The following PDXDC1 variants were observed in gnomAD, a reference collection of about 807,000 sequenced individuals.
PDXDC1 encodes the protein pyridoxal dependent decarboxylase domain containing 1.
A neutral mutation model predicts 100.1 loss-of-function variants in PDXDC1; 42 were observed. The ratio of observed to expected loss-of-function variants is 0.42; its 90% CI spans 0.33 to 0.54. PDXDC1 has a LOEUF of 0.54. PDXDC1 is among the 20% of genes least tolerant of loss of function. The pLI, the probability that PDXDC1 is intolerant of heterozygous loss-of-function variation, is 0.10. For synonymous variants in PDXDC1, 260 were observed against 371.7 expected (o/e 0.70, Z 3.46); for missense variants, 636 against 979.2 (o/e 0.65, Z 4.68).
At chr16:15,135,518 C>T in intron 16 of PDXDC1, 1 of 1,112,036 alleles carries the variant, frequency 9.0e-7, no homozygotes, top group Non-Finnish European at 1.3e-6. Flanking sequence ...GCGGGAGACC[C>T]CCTCCCCATG....
chr16:14,975,294 G>C, intron 1 of PDXDC1, 74 bp downstream of exon 1: 1 of 1,376,276 alleles, frequency 7.3e-7, no homozygotes, highest in Non-Finnish European at 9.3e-7. Context: ...CTGTTTCCCA[G>C]TCGCGAGCTG....
At chr16:15,015,455 G>T (rs1181744798) in intron 8 of PDXDC1, among the ~76,000 whole-genome samples, 1 of 152,130 alleles carries the variant, frequency 6.6e-6, no homozygotes, top group African/African-American at 2.4e-5. Context: ...GGTGGCTCAT[G>T]CTTATAATCC....
chr16:14,984,522 GAC>G (rs1968873045), intron 1 of PDXDC1, among the ~76,000 whole-genome samples: 1 of 125,710 alleles, frequency 8.0e-6, no homozygotes. Flanking sequence ...TTCTGAGACG[GAC>G]TCTCACCCTG....
chr16:15,130,584 C>G, intron 16 of PDXDC1: 9 of 1,357,710 alleles, frequency 6.6e-6, no homozygotes, highest in Non-Finnish European at 9.4e-6. Flanking sequence ...CCGGGCAATG[C>G]TGACCCATGA....
At chr16:15,006,199 G>A (rs1382849343) in intron 5 of PDXDC1, among the ~76,000 whole-genome samples, 195 bp from the exon 6 acceptor site, 5 of 152,406 alleles carry the variant, frequency 3.3e-5, no homozygotes, top group Admixed American at 2.6e-4. Context: ...GAGGGTTATT[G>A]TCTCGCTGCT....
At position 15,037,801 on chromosome 16, in the gene PDXDC1, A is replaced by AC. The variant is rs1271449060; in HGVS notation, c.*1526_*1527insC. 2.2e-6 allele frequency: 1 copy of AC among 451,004 alleles called. No homozygotes were observed. Among genetic ancestry groups the AC allele is most frequent in the Non-Finnish European group, 3.9e-6 (1 of 256,330 alleles). 27.9% of individuals were successfully genotyped at this position (451,004 alleles called of 1,614,324 possible). A position where few individuals can be genotyped will look rare whatever the true frequency, so the allele number is the denominator to read the frequency against. On this transcript the variant is annotated 3_prime_UTR_variant, in exon 23 of 23. Transcript: ENST00000396410. ...CCTCTGCCCGTTATTACCGACCAAA[A>AC]AAAAAACTGGACATCAATTTTTTAG... is the stretch of plus-strand genomic sequence containing the variant.
intron 16 of PDXDC1, among the ~76,000 whole-genome samples, chr16:15,049,804 G>A (rs2044227829): frequency 6.6e-6 from 1 of 152,200 alleles, no homozygotes. Flanking sequence ...CCAAGTCACA[G>A]CCACTAACTG....
At chr16:15,041,029 G>C (rs922989358), downstream of PDXDC1, 33 of 1,422,732 alleles carry the variant, frequency 2.3e-5, no homozygotes, top group Non-Finnish European at 2.9e-5. Flanking sequence ...CTGCACATGT[G>C]ACCAAGACTC....
At chr16:14,988,301 T>C in intron 1 of PDXDC1, 3 of 1,613,484 alleles carry the variant, frequency 1.9e-6, no homozygotes, top group South Asian at 2.2e-5. Context: ...GGGGCTTGGC[T>C]CCAGGCCCAC....
intron 16 of PDXDC1, among the ~76,000 whole-genome samples, chr16:15,093,226 A>G (rs2046211261): frequency 6.6e-6 from 1 of 151,912 alleles, no homozygotes; most frequent in African/African-American, 2.4e-5. Context: ...CTGGTCTCCA[A>G]CTCCTGACTT....
At chr16:15,104,747 C>T (rs77160368) in intron 16 of PDXDC1, 102,437 of 1,596,190 alleles carry the variant, frequency 0.064, 2,323 homozygotes, top group Non-Finnish European at 0.071. Flanking sequence ...GCTCCGCTGC[C>T]GCCATTCTGA....
chr16:15,035,936 A>G, intron 22 of PDXDC1, 80 bp from the exon 23 acceptor site: 1 of 1,394,486 alleles, frequency 7.2e-7, no homozygotes, highest in East Asian at 2.3e-5. Flanking sequence ...GAAATAAAGC[A>G]ATTATCTGTT....
chr16:14,984,450 A>T (rs538833635), intron 1 of PDXDC1, among the ~76,000 whole-genome samples: 2,159 of 104,678 alleles, frequency 0.021, 8 homozygotes, highest in African/African-American at 0.049. Context: ...AGAGAGAGAG[A>T]GAGAGTGTGT....
Position 15,035,437 on chromosome 16 carries a change from C to G in PDXDC1, c.2003-12C>G. The G allele has an allele frequency of 6.4e-7, 1 of 1,567,512 alleles. No individual in the cohort carries two copies. The highest frequency in any genetic ancestry group is 8.7e-7 in the Non-Finnish European group (1 of 1,147,730). Reference sequence around the variant, plus strand: ...GCCTGTAGCTTCTACCCAGCCCTCTCCTCTCCCGCAGGCTCTCTGGAGTCC... The same window carrying G: ...GCCTGTAGCTTCTACCCAGCCCTCTGCTCTCCCGCAGGCTCTCTGGAGTCC... On this transcript the variant is annotated splice_polypyrimidine_tract_variant and intron_variant, in intron 21 of 22. Transcript: ENST00000396410.
At chr16:15,044,478 T>G (rs2043963363) in intron 16 of PDXDC1, 2 of 995,830 alleles carry the variant, frequency 2.0e-6, no homozygotes, top group East Asian at 4.9e-5. Flanking sequence ...CACTTTGAAC[T>G]TTCATTCTCA....
intron 16 of PDXDC1, chr16:15,130,222 G>C: frequency 6.4e-7 from 1 of 1,551,234 alleles, no homozygotes. Context: ...AAGCGTACAT[G>C]GCTTGGGGGC....
At chr16:15,129,678 C>T (rs1029879940) in intron 16 of PDXDC1, among the ~76,000 whole-genome samples, 6 of 152,152 alleles carry the variant, frequency 3.9e-5, no homozygotes, top group African/African-American at 1.4e-4. Context: ...CTGACTGGCA[C>T]CTACTTCCAG....
At chr16:15,008,021 G>T (rs1386409633) in intron 6 of PDXDC1, among the ~76,000 whole-genome samples, 1 of 152,290 alleles carries the variant, frequency 6.6e-6, no homozygotes, top group African/African-American at 2.4e-5. Flanking sequence ...GGGGTGGATT[G>T]GTGGCTTATA....
chr16:15,049,971 G>T (rs1036877586), intron 16 of PDXDC1, among the ~76,000 whole-genome samples: 4 of 152,292 alleles, frequency 2.6e-5, no homozygotes, highest in South Asian at 4.1e-4. Context: ...ATACTGGAAG[G>T]AAATTTCACC....
Sources: allele counts gnomAD v4.1 joint callset (sites outside exome capture counted in the v4.1 genomes callset), GRCh38; gene constraint gnomAD v4.1.1; transcripts MANE v1.5; gene names NCBI Gene and HGNC (gene_info 2026-07-23, HGNC 2026-07-21).